RALGPS1: variants seen among roughly 807,000 people sequenced by gnomAD.
RALGPS1 encodes Ral GEF with PH domain and SH3 binding motif 1.
A neutral mutation model predicts 78.8 loss-of-function variants in RALGPS1; 19 were observed. That is an observed-to-expected ratio of 0.24 (90% CI 0.17 to 0.35). The LOEUF is 0.35. Among genes scored for constraint, RALGPS1 ranks in the 10% least tolerant of loss-of-function variants. The pLI, the probability that RALGPS1 is intolerant of heterozygous loss-of-function variation, is 1.00. For synonymous variants in RALGPS1, 228 were observed against 256.3 expected (o/e 0.89, Z 1.06); for missense variants, 454 against 688.3 (o/e 0.66, Z 3.81).
chr9:127,053,951 G>A (rs1248744524), intron 7 of RALGPS1, among the ~76,000 whole-genome samples: 3 of 152,154 alleles, frequency 2.0e-5, no homozygotes, highest in East Asian at 3.8e-4. Flanking sequence ...ATATCAACTC[G>A]GGGAGGTTGG....
At chr9:127,210,400 G>A (rs770705617) in intron 14 of RALGPS1, 14 of 443,192 alleles carry the variant, frequency 3.2e-5, no homozygotes, top group African/African-American at 1.8e-4. Context: ...GCAAGTGGGC[G>A]TGCCTGGATT....
intron 5 of RALGPS1, among the ~76,000 whole-genome samples, chr9:127,044,392 G>A (rs1202987005): frequency 1.3e-5 from 2 of 152,018 alleles, no homozygotes; most frequent in Non-Finnish European, 2.9e-5. Flanking sequence ...GAGTAGCTGG[G>A]ATTACAGGCA....
At chr9:126,958,142 A>AAAAAAAAAAAAAT (rs113413659) in intron 1 of RALGPS1, among the ~76,000 whole-genome samples, 1,170 of 76,120 alleles carry the variant, frequency 0.015, 22 homozygotes, top group East Asian at 0.028. Flanking sequence ...AAAAAAAAAA[A>AAAAAAAAAAAAAT]ATATATATAT....
At chr9:127,118,314 T>G (rs1302800485) in intron 8 of RALGPS1, among the ~76,000 whole-genome samples, 1 of 152,200 alleles carries the variant, frequency 6.6e-6, no homozygotes, top group Non-Finnish European at 1.5e-5. Flanking sequence ...AACACAGTTT[T>G]GTCATAGAAA....
intron 17 of RALGPS1, among the ~76,000 whole-genome samples, chr9:127,213,274 C>T (rs2062384401): frequency 6.6e-6 from 1 of 152,184 alleles, no homozygotes; most frequent in Non-Finnish European, 1.5e-5. Context: ...ATCCTTTTTG[C>T]AGCCTTACCT....
At chr9:127,151,191 A>AG (rs2058398973) in intron 8 of RALGPS1, among the ~76,000 whole-genome samples, 2 of 151,948 alleles carry the variant, frequency 1.3e-5, no homozygotes, top group Non-Finnish European at 2.9e-5. Flanking sequence ...TCAAAAAAAA[A>AG]AGAGAGAAAA....
intron 14 of RALGPS1, among the ~76,000 whole-genome samples, chr9:127,206,996 G>A (rs2061969279): frequency 6.6e-6 from 1 of 151,996 alleles, no homozygotes; most frequent in Admixed American, 6.6e-5. Context: ...CTATAAGGTG[G>A]GGATAATAAT....
At chr9:126,915,335 C>T (rs1383446271) in intron 1 of RALGPS1, 1 of 66,838 alleles carries the variant, frequency 1.5e-5, no homozygotes, top group Non-Finnish European at 2.9e-5. Flanking sequence ...GGGGCGGGGC[C>T]GGCGGGGCTG....
intron 1 of RALGPS1, among the ~76,000 whole-genome samples, chr9:126,926,710 G>A (rs2035313185): frequency 1.3e-5 from 2 of 152,162 alleles, no homozygotes; most frequent in African/African-American, 4.8e-5. Context: ...GAGGATGATG[G>A]TGTGAAAGGG....
At chr9:126,990,710 C>T (rs1289060423) in intron 4 of RALGPS1, among the ~76,000 whole-genome samples, 2 of 152,220 alleles carry the variant, frequency 1.3e-5, no homozygotes, top group Non-Finnish European at 2.9e-5. Context: ...ATACTTCTTA[C>T]GTATGGCACT....
At chr9:126,963,733 G>A (rs1416686210) in intron 2 of RALGPS1, among the ~76,000 whole-genome samples, 3 of 152,178 alleles carry the variant, frequency 2.0e-5, no homozygotes, top group African/African-American at 7.2e-5. Context: ...AGGTGAACAA[G>A]CTGGCTTGGA....
intron 8 of RALGPS1, among the ~76,000 whole-genome samples, chr9:127,163,877 A>C (rs1298878342): frequency 1.3e-5 from 2 of 152,234 alleles, no homozygotes; most frequent in Non-Finnish European, 2.9e-5. Flanking sequence ...TTAGTTGTTT[A>C]ATAGTAAATT....
chr9:127,093,059 T>G (rs568770372), intron 8 of RALGPS1, among the ~76,000 whole-genome samples: 1 of 152,094 alleles, frequency 6.6e-6, no homozygotes, highest in Admixed American at 6.5e-5. Flanking sequence ...TGATACGAGA[T>G]TAAACAAAAT....
At chr9:127,203,679 G>A (rs1243310510) in intron 14 of RALGPS1, among the ~76,000 whole-genome samples, 1 of 152,222 alleles carries the variant, frequency 6.6e-6, no homozygotes, top group African/African-American at 2.4e-5. Context: ...AGAGCTCAGA[G>A]TCTTAAATAA....
intron 11 of RALGPS1, among the ~76,000 whole-genome samples, chr9:127,176,798 G>A (rs1368244706): frequency 2.6e-5 from 4 of 152,208 alleles, no homozygotes; most frequent in African/African-American, 7.2e-5. Flanking sequence ...GAGAGCCCAG[G>A]GTCAGGCACA....
chr9:127,172,555 G>T (rs141349057), intron 10 of RALGPS1, among the ~76,000 whole-genome samples: 4 of 152,170 alleles, frequency 2.6e-5, no homozygotes, highest in South Asian at 2.1e-4. Flanking sequence ...GAATCCGTCC[G>T]TGTTGGATGC....
chr9:127,063,800 G>A (rs945611734), intron 7 of RALGPS1, among the ~76,000 whole-genome samples: 2 of 152,090 alleles, frequency 1.3e-5, no homozygotes, highest in African/African-American at 4.8e-5. Context: ...AATTATGTAC[G>A]GCTTGTAAAT....
intron 5 of RALGPS1, among the ~76,000 whole-genome samples, chr9:127,045,611 G>A (rs1057188784): frequency 1.3e-5 from 2 of 152,220 alleles, no homozygotes; most frequent in South Asian, 2.1e-4. Context: ...AGGCTAGAAC[G>A]ACCCACGTGG....
intron 1 of RALGPS1, among the ~76,000 whole-genome samples, chr9:126,938,135 A>G (rs1378846635): frequency 6.6e-6 from 1 of 152,214 alleles, no homozygotes; most frequent in Non-Finnish European, 1.5e-5. Flanking sequence ...TCGTACATAC[A>G]ATGCCATTTT....
Sources: allele counts gnomAD v4.1 joint callset (sites outside exome capture counted in the v4.1 genomes callset), GRCh38; gene constraint gnomAD v4.1.1; transcripts MANE v1.5; gene names NCBI Gene and HGNC (gene_info 2026-07-23, HGNC 2026-07-21).